The following PRDM16 variants were observed in gnomAD, a reference collection of about 807,000 sequenced individuals.
PRDM16 encodes the protein histone-lysine N-methyltransferase PRDM16.
In PRDM16, 23 loss-of-function variants were observed where a neutral mutation model predicts 110.6. That is an observed-to-expected ratio of 0.21 (90% CI 0.15 to 0.29). PRDM16 has a LOEUF of 0.29. PRDM16 is among the 10% of genes least tolerant of loss of function. The pLI is 1.00. For missense variants in PRDM16, 1,615 were observed against 1,794.3 expected, an observed-to-expected ratio of 0.90 and a Z score of 1.81; for synonymous variants, 799 against 781.8, an observed-to-expected ratio of 1.02 and a Z score of -0.37.
Position 3,300,006 on chromosome 1 carries a change from CTTG to C in PRDM16, c.438+55873_438+55875del. Among the ~76,000 whole-genome samples the C allele has an allele frequency of 2.0e-5, 2 of 98,652 alleles. 1 individual carries two copies. The highest frequency in any genetic ancestry group is 6.0e-5 in the African/African-American group (2 of 33,310). The allele number at this position is 98,652 out of a possible 152,430, so 64.7% of individuals were successfully genotyped here. A position where few individuals can be genotyped will look rare whatever the true frequency, so the allele number is the denominator to read the frequency against. Reference sequence around the variant, plus strand: ...AGATCCCAGTCATGGTGGCTCTGCCCTTGTTGAAGATGCTATGCTGTGGCCGTG... The same window carrying C: ...AGATCCCAGTCATGGTGGCTCTGCCCTTGAAGATGCTATGCTGTGGCCGTG... On this transcript the variant is annotated intron_variant, in intron 3 of 16. Transcript: ENST00000270722.
chr1:3,410,030 T>C (rs1643655652), intron 8 of PRDM16, among the ~76,000 whole-genome samples: 1 of 144,712 alleles, frequency 6.9e-6, no homozygotes, highest in Non-Finnish European at 1.5e-5. Flanking sequence ...TGTGTGCATG[T>C]GTGTGATTGT....
Position 3,175,706 on chromosome 1 carries a change from G to A in PRDM16, c.38-10419G>A, listed in dbSNP as rs1644077070. On this transcript the variant is annotated intron_variant, in intron 1 of 16. Coordinates refer to ENST00000270722, the MANE Select transcript of PRDM16 (RefSeq NM_022114.4). The surrounding 1 kb of genome is among the most constrained non-coding windows in gnomAD (Gnocchi z 4.8). ...CTGCCCACCCGCCACATGGGTGCAG[G>A]GAGGGTGACAGCCGGTCAGCCCTGA... is the stretch of plus-strand genomic sequence containing the variant. Among the ~76,000 whole-genome samples, 1 of 152,204 alleles carries A rather than the reference G, an allele frequency of 6.6e-6. No individual in the cohort carries two copies. The highest frequency in any genetic ancestry group is 1.5e-5 in the Non-Finnish European group (1 of 68,030).
At chr1:3,074,203 C>G (rs1381777035) in intron 1 of PRDM16, among the ~76,000 whole-genome samples, 2 of 152,178 alleles carry the variant, frequency 1.3e-5, no homozygotes, top group Non-Finnish European at 2.9e-5. Context: ...CTTCACTGAC[C>G]CTGGGAAGAC....
rs752903093 is a variant in PRDM16 at position 3,412,472 on chromosome 1, C to T, written c.2275C>T (p.Arg759Trp). The change falls in exon 9 of 17, where the codon CGG becomes TGG. Residue 759 changes from arginine (R) to tryptophan (W), a missense_variant. Arg to Trp is a moderately radical substitution (Grantham distance 101). This residue lies in a region of PRDM16 where 772 missense variants were observed against 748.3 expected (regional missense o/e 1.03). Coordinates refer to ENST00000270722, the MANE Select transcript of PRDM16 (RefSeq NM_022114.4). Reference sequence around the variant, plus strand: ...GGTCAAGGCCGAGCCAAAGTCACCCCGGGACGCCCTCAAGGTGGGCGGCCC... The same window carrying T: ...GGTCAAGGCCGAGCCAAAGTCACCCTGGGACGCCCTCAAGGTGGGCGGCCC... ...LLVKAEPKSP[R>W]DALKVGGPSA... The T allele has an allele frequency of 3.8e-5, 62 of 1,613,354 alleles. No homozygotes were observed. The East Asian group carries it at 1.0e-3, about 27-fold the overall frequency.
chr1:3,221,221 C>T lies in PRDM16; in HGVS notation c.388-22866C>T, dbSNP rs140622145. Among the ~76,000 whole-genome samples, 117 of 152,344 alleles carry T rather than the reference C, an allele frequency of 7.7e-4. No homozygotes were observed. In the East Asian group the frequency reaches 0.02, roughly 26 times the overall value. On this transcript the variant is annotated intron_variant, in intron 2 of 16. Coordinates refer to ENST00000270722, the MANE Select transcript of PRDM16 (RefSeq NM_022114.4). ...GTGCCCCACAGCCTCTGCCTCACTCCGCTCTTCAGGGAAACAGTCTCTAGA... is the reference window on the plus strand; with the variant it reads ...GTGCCCCACAGCCTCTGCCTCACTCTGCTCTTCAGGGAAACAGTCTCTAGA...
At chr1:3,110,955 C>T (rs1642777907) in intron 1 of PRDM16, among the ~76,000 whole-genome samples, 1 of 152,196 alleles carries the variant, frequency 6.6e-6, no homozygotes, top group Non-Finnish European at 1.5e-5. Flanking sequence ...CAGAGATTGC[C>T]CGGTTCTGGG....
At chr1:3,096,141 C>T (rs1324728761) in intron 1 of PRDM16, among the ~76,000 whole-genome samples, 2 of 152,114 alleles carry the variant, frequency 1.3e-5, no homozygotes, top group Non-Finnish European at 2.9e-5. Context: ...ATGTTCTGGA[C>T]CCCAGGAAGG....
intron 5 of PRDM16, among the ~76,000 whole-genome samples, chr1:3,401,740 A>C (rs904980841): frequency 1.3e-4 from 20 of 152,208 alleles, no homozygotes; most frequent in African/African-American, 4.1e-4. Context: ...ACATAACACA[A>C]ATGCACACAC....
chr1:3,338,037 A>G (rs772020046), intron 3 of PRDM16, among the ~76,000 whole-genome samples: 2 of 152,196 alleles, frequency 1.3e-5, no homozygotes, highest in Non-Finnish European at 2.9e-5. Flanking sequence ...GTGCACACAT[A>G]TAGACATGCA....
At chr1:3,297,366 C>G (rs1455801104) in intron 3 of PRDM16, among the ~76,000 whole-genome samples, 1 of 151,482 alleles carries the variant, frequency 6.6e-6, no homozygotes, top group Non-Finnish European at 1.5e-5. Flanking sequence ...TCGCTGCAAC[C>G]TCCACCTCCT....
At chr1:3,312,706 A>G (rs1641492811) in intron 3 of PRDM16, among the ~76,000 whole-genome samples, 1 of 151,648 alleles carries the variant, frequency 6.6e-6, no homozygotes, top group African/African-American at 2.4e-5. Flanking sequence ...TTACACAAAT[A>G]CTCCGCCGCT....
chr1:3,145,888 C>T (rs898344561), intron 1 of PRDM16, among the ~76,000 whole-genome samples: 2 of 152,190 alleles, frequency 1.3e-5, no homozygotes, highest in Non-Finnish European at 2.9e-5. Flanking sequence ...GGTGGGCAGC[C>T]CGGTCAGCCC....
intron 3 of PRDM16, among the ~76,000 whole-genome samples, chr1:3,328,887 C>T (rs186639080): frequency 6.6e-6 from 1 of 152,276 alleles, no homozygotes; most frequent in African/African-American, 2.4e-5. Flanking sequence ...CTGGACCCCC[C>T]GTTCAGATTC....
At chr1:3,140,590 G>A (rs914152661) in intron 1 of PRDM16, among the ~76,000 whole-genome samples, 21 of 152,348 alleles carry the variant, frequency 1.4e-4, no homozygotes, top group African/African-American at 4.6e-4. Flanking sequence ...AATTCATTAA[G>A]GGCTATTTAT....
chr1:3,378,449 C>G (rs1643034197), intron 3 of PRDM16, among the ~76,000 whole-genome samples: 1 of 152,284 alleles, frequency 6.6e-6, no homozygotes, highest in Non-Finnish European at 1.5e-5. Flanking sequence ...GGGGACCCTC[C>G]CTCTGGTCCT....
intron 3 of PRDM16, among the ~76,000 whole-genome samples, chr1:3,247,053 C>T (rs1416912400): frequency 3.9e-5 from 6 of 152,084 alleles, no homozygotes; most frequent in African/African-American, 9.7e-5. Context: ...ACAGTCCTTC[C>T]TTATAGGATG....
intron 3 of PRDM16, among the ~76,000 whole-genome samples, chr1:3,283,113 T>C (rs1422707769): frequency 2.6e-5 from 4 of 152,074 alleles, no homozygotes; most frequent in Non-Finnish European, 5.9e-5. Context: ...TCCCGACACT[T>C]GGTTTTGGAG....
At chr1:3,219,468 G>A (rs761981071) in intron 2 of PRDM16, among the ~76,000 whole-genome samples, 3 of 152,336 alleles carry the variant, frequency 2.0e-5, no homozygotes, top group Admixed American at 6.5e-5. Context: ...TGGAGCTGGG[G>A]CGGGGGAAGG....
intron 4 of PRDM16, among the ~76,000 whole-genome samples, chr1:3,396,108 C>G (rs555133681): frequency 2.0e-5 from 3 of 152,330 alleles, no homozygotes; most frequent in South Asian, 4.1e-4. Flanking sequence ...CCCGCCGCCA[C>G]TGGCAAAGCG....
Sources: allele counts gnomAD v4.1 joint callset (sites outside exome capture counted in the v4.1 genomes callset), GRCh38; gene constraint gnomAD v4.1.1; regional missense constraint gnomAD v4.1.1; non-coding constraint Gnocchi (gnomAD v3.1); transcripts MANE v1.5; gene names NCBI Gene and HGNC (gene_info 2026-07-23, HGNC 2026-07-21).